CALCRL: variants seen among roughly 807,000 people sequenced by gnomAD.
CALCRL encodes the protein calcitonin receptor like receptor.
CALCRL carries 27 observed loss-of-function variants against 60.4 expected under a neutral mutation model. The observed-to-expected ratio is 0.45, with a 90% confidence interval of 0.33 to 0.62. CALCRL has a LOEUF of 0.62. Among genes scored for constraint, CALCRL ranks in the 20% least tolerant of loss-of-function variants. CALCRL has a pLI of 0.03. For synonymous variants in CALCRL, 190 were observed against 182.6 expected (o/e 1.04, Z -0.33); for missense variants, 424 against 540.7 (o/e 0.78, Z 2.14).
chr2:187,353,556 A>G (rs1439944310), intron 12 of CALCRL, among the ~76,000 whole-genome samples: 2 of 151,994 alleles, frequency 1.3e-5, no homozygotes, highest in Non-Finnish European at 2.9e-5. Flanking sequence ...ATATGCTTCA[A>G]AAATATACAG....
chr2:187,366,991 A>G (rs1687328252), intron 8 of CALCRL, among the ~76,000 whole-genome samples: 1 of 151,592 alleles, frequency 6.6e-6, no homozygotes, highest in Non-Finnish European at 1.5e-5. Context: ...TTATGGGATA[A>G]AAGGATATAC....
At chr2:187,371,111 G>A (rs748168308) in intron 8 of CALCRL, among the ~76,000 whole-genome samples, 12 of 151,976 alleles carry the variant, frequency 7.9e-5, no homozygotes, top group African/African-American at 2.4e-4. Flanking sequence ...GCATGGTGGC[G>A]GGCTCCTGCA....
At chr2:187,424,528 G>T (rs1485346957) in intron 1 of CALCRL, among the ~76,000 whole-genome samples, 1 of 152,024 alleles carries the variant, frequency 6.6e-6, no homozygotes, top group African/African-American at 2.4e-5. Flanking sequence ...AGAAATAGCA[G>T]TAATATATTG....
intron 8 of CALCRL, among the ~76,000 whole-genome samples, chr2:187,364,522 T>C (rs1450919254): frequency 6.6e-6 from 1 of 152,102 alleles, no homozygotes; most frequent in African/African-American, 2.4e-5. Context: ...ATCCACCATA[T>C]ATAATTCAAG....
At chr2:187,441,927 T>G (rs779560376) in intron 1 of CALCRL, 1 of 151,600 alleles carries the variant, frequency 6.6e-6, no homozygotes, top group Non-Finnish European at 1.5e-5. Context: ...ACTTACTGTA[T>G]AGTTTTTCCT....
intron 12 of CALCRL, 38 bp from the exon 13 acceptor site, chr2:187,352,370 A>G (rs776567469): frequency 3.0e-5 from 34 of 1,142,782 alleles, no homozygotes; most frequent in Non-Finnish European, 4.0e-5. Flanking sequence ...AAATCATTTC[A>G]TATTTAATAT....
chr2:187,426,584 T>A (rs1690143597), intron 1 of CALCRL, among the ~76,000 whole-genome samples: 1 of 152,060 alleles, frequency 6.6e-6, no homozygotes, highest in Non-Finnish European at 1.5e-5. Context: ...ATATAGAGTG[T>A]CCACCAGGTC....
chr2:187,443,878 G>A (rs1691044894), intron 1 of CALCRL, among the ~76,000 whole-genome samples: 1 of 151,642 alleles, frequency 6.6e-6, no homozygotes, highest in Non-Finnish European at 1.5e-5. Flanking sequence ...AAATATCTGT[G>A]TAATCATTGG....
intron 1 of CALCRL, among the ~76,000 whole-genome samples, chr2:187,388,563 A>T (rs1176120626): frequency 6.6e-6 from 1 of 152,114 alleles, no homozygotes; most frequent in Non-Finnish European, 1.5e-5. Context: ...GAGCCCTGAA[A>T]GTTCCCAACT....
chr2:187,408,761 T>C (rs1169274958), intron 1 of CALCRL, among the ~76,000 whole-genome samples: 3 of 152,186 alleles, frequency 2.0e-5, no homozygotes. Context: ...ATTTAATAAC[T>C]GTACAGTGGA....
chr2:187,430,600 A>T (rs1360629029), intron 1 of CALCRL, among the ~76,000 whole-genome samples: 1 of 152,150 alleles, frequency 6.6e-6, no homozygotes. Flanking sequence ...TCTTTCTGGA[A>T]GCACCAATGC....
At chr2:187,442,015 G>A (rs1690927003) in intron 1 of CALCRL, 1 of 148,264 alleles carries the variant, frequency 6.7e-6, no homozygotes, top group African/African-American at 2.5e-5. Flanking sequence ...TCTGTCTTTT[G>A]AATTCTGTTC....
intron 1 of CALCRL, among the ~76,000 whole-genome samples, chr2:187,398,375 C>T (rs1360970159): frequency 6.6e-6 from 1 of 151,468 alleles, no homozygotes; most frequent in Non-Finnish European, 1.5e-5. Context: ...AAGTTGCATA[C>T]CAGTCCATAA....
chr2:187,418,960 A>G (rs1188299539), intron 1 of CALCRL, among the ~76,000 whole-genome samples: 1 of 126,960 alleles, frequency 7.9e-6, no homozygotes, highest in Non-Finnish European at 1.6e-5. Context: ...GGTTCGAGCT[A>G]TTTCCCCTGC....
intron 8 of CALCRL, among the ~76,000 whole-genome samples, chr2:187,366,706 T>C (rs16828937): frequency 0.17 from 26,032 of 152,016 alleles, 2,997 homozygotes; most frequent in East Asian, 0.41. Flanking sequence ...CTGTAGTTAG[T>C]TGATAAAAAA....
chr2:187,378,504 A>G (rs1156963866), intron 8 of CALCRL, among the ~76,000 whole-genome samples: 1 of 152,106 alleles, frequency 6.6e-6, no homozygotes, highest in Non-Finnish European at 1.5e-5. Context: ...CCCTAAACAA[A>G]GTGTATTTAG....
At chr2:187,381,497 G>C (rs527814482) in intron 5 of CALCRL, among the ~76,000 whole-genome samples, 1 of 150,956 alleles carries the variant, frequency 6.6e-6, no homozygotes, top group Admixed American at 6.6e-5. Flanking sequence ...TTGCTCTGTC[G>C]CCAGCTGGAG....
At chr2:187,381,813 T>C (rs1028472312) in intron 5 of CALCRL, among the ~76,000 whole-genome samples, 1 of 152,140 alleles carries the variant, frequency 6.6e-6, no homozygotes, top group Non-Finnish European at 1.5e-5. Flanking sequence ...CATGAGATGT[T>C]TATTGTTTTT....
rs73046673 is a variant in CALCRL, at chr2:187,355,517, C to G, written c.910-3185G>C. On this transcript the variant is annotated intron_variant, in intron 12 of 14. Coordinates refer to ENST00000392370, the MANE Select transcript of CALCRL (RefSeq NM_005795.6). ...TGGTTTGAACAGTGATCCAACGCAA[C>G]CATATACTAAACTGCAGCTAGCAAA... Among the ~76,000 whole-genome samples the G allele has an allele frequency of 3.2e-3, 481 of 152,138 alleles. 5 individuals carry two copies. Among genetic ancestry groups the G allele is most frequent in the African/African-American group, 0.011 (460 of 41,522 alleles).
Sources: gnomAD v4.1 joint callset for allele counts (sites outside exome capture counted in the v4.1 genomes callset) on GRCh38, gnomAD v4.1.1 for gene constraint, MANE v1.5 for transcripts, NCBI Gene and HGNC (gene_info 2026-07-23, HGNC 2026-07-21) for gene names.